Variants in FHIT observed in about 807,000 individuals in gnomAD.
The protein encoded by FHIT is bis(5'-adenosyl)-triphosphatase.
In FHIT, 19 loss-of-function variants were observed where a neutral mutation model predicts 17.9. That is an observed-to-expected ratio of 1.06 (90% CI 0.74 to 1.56). FHIT has a LOEUF of 1.56. Among genes scored for constraint, FHIT ranks in the 40% most tolerant of loss-of-function variants. The pLI is 0.00. For synonymous variants in FHIT, 81 were observed against 69.7 expected (o/e 1.16, Z -0.81); for missense variants, 248 against 189.2 (o/e 1.31, Z -1.82).
intron 4 of FHIT, among the ~76,000 whole-genome samples, chr3:60,626,173 C>A (rs1022062144): frequency 1.3e-5 from 2 of 152,102 alleles, no homozygotes; most frequent in Non-Finnish European, 2.9e-5. Flanking sequence ...CAAGTTCGCA[C>A]TTTTTTTCAA....
At chr3:61,031,190 A>G (rs555778404) in intron 3 of FHIT, among the ~76,000 whole-genome samples, 6 of 152,318 alleles carry the variant, frequency 3.9e-5, no homozygotes, top group Non-Finnish European at 8.8e-5. Context: ...GCAGTGGCAA[A>G]ATGACTTTGT....
chr3:60,311,798 T>C (rs575944076), intron 5 of FHIT, among the ~76,000 whole-genome samples: 2 of 152,294 alleles, frequency 1.3e-5, no homozygotes, highest in South Asian at 4.1e-4. Context: ...AACATGCCCT[T>C]TTCTTAAACA....
intron 1 of FHIT, among the ~76,000 whole-genome samples, chr3:61,212,078 T>C (rs1430931642): frequency 6.6e-6 from 1 of 152,062 alleles, no homozygotes; most frequent in Non-Finnish European, 1.5e-5. Context: ...AACTGGAAAC[T>C]CTAAAAAGCA....
chr3:60,812,455 C>T (rs1247065040), intron 4 of FHIT, among the ~76,000 whole-genome samples: 4 of 152,082 alleles, frequency 2.6e-5, no homozygotes, highest in African/African-American at 9.7e-5. Context: ...CTGTGCCCAA[C>T]CAGAAGTACA....
intron 4 of FHIT, among the ~76,000 whole-genome samples, chr3:60,727,554 A>G (rs946609800): frequency 6.6e-6 from 1 of 152,226 alleles, no homozygotes; most frequent in Admixed American, 6.5e-5. Flanking sequence ...CAGGAGCCCC[A>G]TTATAGGAAA....
At chr3:61,013,145 C>T (rs2031892373) in intron 3 of FHIT, among the ~76,000 whole-genome samples, 1 of 152,024 alleles carries the variant, frequency 6.6e-6, no homozygotes, top group South Asian at 2.1e-4. Context: ...TTCCAGAAGT[C>T]TTTCAAGGTT....
chr3:60,188,775 A>C (rs1702273774), intron 5 of FHIT, among the ~76,000 whole-genome samples: 2 of 152,244 alleles, frequency 1.3e-5, no homozygotes, highest in South Asian at 4.1e-4. Flanking sequence ...CAAGGATGGA[A>C]ACTTCTCAAA....
chr3:61,000,929 A>G (rs2031036152), intron 3 of FHIT, among the ~76,000 whole-genome samples: 1 of 152,086 alleles, frequency 6.6e-6, no homozygotes, highest in South Asian at 2.1e-4. Context: ...AAGAATTACT[A>G]TCTACAGTAT....
intron 7 of FHIT, among the ~76,000 whole-genome samples, chr3:59,968,038 T>C (rs911569171): frequency 2.0e-5 from 3 of 152,070 alleles, no homozygotes; most frequent in African/African-American, 7.2e-5. Context: ...AAGAGTAATA[T>C]AGTAATATTC....
intron 8 of FHIT, among the ~76,000 whole-genome samples, chr3:59,777,871 T>G (rs1702400587): frequency 6.6e-6 from 1 of 152,180 alleles, no homozygotes; most frequent in African/African-American, 2.4e-5. Context: ...TTCACTCTGC[T>G]TAGAAAACTC....
At chr3:60,754,232 A>G (rs1170115966) in intron 4 of FHIT, among the ~76,000 whole-genome samples, 2 of 152,202 alleles carry the variant, frequency 1.3e-5, no homozygotes, top group African/African-American at 4.8e-5. Flanking sequence ...CCTGTTAGTG[A>G]AAGGCCAGTT....
chr3:60,049,444 T>C (rs1701785123), intron 5 of FHIT, among the ~76,000 whole-genome samples: 1 of 133,920 alleles, frequency 7.5e-6, no homozygotes, highest in African/African-American at 2.5e-5. Flanking sequence ...ATTTTTGGAA[T>C]ATCTTGATGA....
chr3:60,563,537 C>A (rs530152263), intron 4 of FHIT, among the ~76,000 whole-genome samples: 1 of 152,136 alleles, frequency 6.6e-6, no homozygotes, highest in Admixed American at 6.5e-5. Flanking sequence ...CCTCTTGGGC[C>A]AAACAGCCAC....
chr3:60,407,990 T>A (rs1289104262), intron 5 of FHIT, among the ~76,000 whole-genome samples: 1 of 152,210 alleles, frequency 6.6e-6, no homozygotes, highest in Non-Finnish European at 1.5e-5. Context: ...CAAGTATCAG[T>A]TGCATACTAA....
intron 5 of FHIT, among the ~76,000 whole-genome samples, chr3:60,410,165 T>C (rs1307404770): frequency 6.6e-6 from 1 of 152,194 alleles, no homozygotes; most frequent in Non-Finnish European, 1.5e-5. Flanking sequence ...ACTGGCTGCA[T>C]CTAGAGAGAG....
intron 4 of FHIT, among the ~76,000 whole-genome samples, chr3:60,821,642 T>C (rs947591724): frequency 1.7e-4 from 26 of 152,326 alleles, no homozygotes; most frequent in African/African-American, 6.0e-4. Context: ...GTAAGCTACA[T>C]TTCATGGAAA....
chr3:60,996,748 T>G (rs1208827203), intron 3 of FHIT, among the ~76,000 whole-genome samples: 1 of 152,220 alleles, frequency 6.6e-6, no homozygotes, highest in Non-Finnish European at 1.5e-5. Context: ...AATTCCTGCT[T>G]AAGTATGGGT....
At chr3:59,949,203 G>T (rs1197477086) in intron 7 of FHIT, among the ~76,000 whole-genome samples, 1 of 152,144 alleles carries the variant, frequency 6.6e-6, no homozygotes, top group Non-Finnish European at 1.5e-5. Context: ...AACTTTTTAA[G>T]TTTCAGAGAT....
intron 8 of FHIT, among the ~76,000 whole-genome samples, chr3:59,878,924 G>A (rs1457961135): frequency 6.6e-6 from 1 of 151,822 alleles, no homozygotes; most frequent in East Asian, 1.9e-4. Context: ...ATCTTATACT[G>A]TGATTAAACC....
Sources: gnomAD v4.1 joint callset for allele counts (sites outside exome capture counted in the v4.1 genomes callset) on GRCh38, gnomAD v4.1.1 for gene constraint, MANE v1.5 for transcripts, NCBI Gene and HGNC (gene_info 2026-07-23, HGNC 2026-07-21) for gene names.